Variants in TEAD1 observed in about 807,000 individuals in gnomAD.
TEAD1 encodes TEA domain transcription factor 1, also known as transcriptional enhancer factor TEF-1.
In TEAD1, 9 loss-of-function variants were observed where a neutral mutation model predicts 54.9. The ratio of observed to expected loss-of-function variants is 0.16; its 90% CI spans 0.10 to 0.29. The LOEUF (loss-of-function observed/expected upper bound fraction) is 0.29. Ranked by LOEUF, TEAD1 falls within the 10% of genes least tolerant of loss-of-function variation. The pLI is 1.00. For missense variants in TEAD1, 387 were observed against 535.9 expected, an observed-to-expected ratio of 0.72 and a Z score of 2.74; for synonymous variants, 200 against 187.8, an observed-to-expected ratio of 1.07 and a Z score of -0.53.
At chr11:12,874,991 C>G (rs751023412) in intron 5 of TEAD1, among the ~76,000 whole-genome samples, 5 of 152,132 alleles carry the variant, frequency 3.3e-5, no homozygotes, top group Non-Finnish European at 7.4e-5. Flanking sequence ...CTTATTCTTG[C>G]TCATATGCAC....
chr11:12,889,030 C>T (rs538904364), intron 9 of TEAD1, among the ~76,000 whole-genome samples: 1 of 152,094 alleles, frequency 6.6e-6, no homozygotes, highest in Non-Finnish European at 1.5e-5. Context: ...GGAGAACCAG[C>T]GAGTCAGTCC....
At chr11:12,803,934 G>A (rs1333449628) in intron 3 of TEAD1, among the ~76,000 whole-genome samples, 1 of 152,172 alleles carries the variant, frequency 6.6e-6, no homozygotes, top group Non-Finnish European at 1.5e-5. Context: ...GGAGTTAGGC[G>A]GTACGTATCA....
chr11:12,874,934 A>C (rs2134087321), intron 5 of TEAD1, among the ~76,000 whole-genome samples: 1 of 152,324 alleles, frequency 6.6e-6, no homozygotes, highest in South Asian at 2.1e-4. Context: ...ATCAGCAATA[A>C]GTAGTCAGTG....
intron 3 of TEAD1, among the ~76,000 whole-genome samples, chr11:12,825,931 T>C (rs1946643601): frequency 1.3e-5 from 2 of 152,200 alleles, no homozygotes; most frequent in Admixed American, 1.3e-4. Flanking sequence ...TTCAATAGTC[T>C]TTTCAATGAA....
chr11:12,808,251 A>T (rs889392682), intron 3 of TEAD1, among the ~76,000 whole-genome samples: 4 of 151,930 alleles, frequency 2.6e-5, no homozygotes, highest in Non-Finnish European at 4.4e-5. Context: ...TATAGGTCAT[A>T]GTAGGCTCAT....
chr11:12,922,555 A>G (rs1948829707), intron 10 of TEAD1: 1 of 152,218 alleles, frequency 6.6e-6, no homozygotes, highest in Admixed American at 6.5e-5. Context: ...ATTTAAATGT[A>G]GATACTTATT....
At position 12,800,211 on chromosome 11, in the gene TEAD1, A is replaced by G. The variant is rs570563648; in HGVS notation, c.202+35777A>G. Among the ~76,000 whole-genome samples the G allele has an allele frequency of 4.6e-5, 7 of 152,296 alleles. No homozygotes were observed. In the South Asian group the frequency reaches 8.3e-4, roughly 18 times the overall value. The stretch of plus-strand genomic sequence containing the variant: ...GGATGATGACTGCTTGCACCTCCAG[A>G]GCTAGTCTCCTCTAGGAAAAATCAA... On this transcript the variant is annotated intron_variant, in intron 3 of 12. Transcript: ENST00000527636.
At chr11:12,923,874 C>T (rs1948859078) in intron 10 of TEAD1, among the ~76,000 whole-genome samples, 1 of 152,166 alleles carries the variant, frequency 6.6e-6, no homozygotes, top group Non-Finnish European at 1.5e-5. Flanking sequence ...TTTAAGCTTC[C>T]AATGCATGAA....
intron 6 of TEAD1, among the ~76,000 whole-genome samples, chr11:12,880,494 T>C (rs1330772203): frequency 6.6e-6 from 1 of 152,176 alleles, no homozygotes; most frequent in African/African-American, 2.4e-5. Context: ...TTCCCTCCTC[T>C]ATGTCATGCC....
At chr11:12,899,228 G>T (rs181412276) in intron 9 of TEAD1, among the ~76,000 whole-genome samples, 2 of 152,308 alleles carry the variant, frequency 1.3e-5, no homozygotes, top group African/African-American at 4.8e-5. Context: ...GAACTGGGGC[G>T]GTCTGAGAGC....
At chr11:12,813,238 A>G (rs143053604) in intron 3 of TEAD1, among the ~76,000 whole-genome samples, 3,887 of 152,254 alleles carry the variant, frequency 0.026, 73 homozygotes, top group South Asian at 0.059. Flanking sequence ...ATATTTGGCA[A>G]TTGGAGGTGG....
At chr11:12,748,408 C>T (rs142079693) in intron 2 of TEAD1, among the ~76,000 whole-genome samples, 37 of 152,246 alleles carry the variant, frequency 2.4e-4, no homozygotes, top group African/African-American at 8.2e-4. Context: ...TCTTGGAGTG[C>T]GTGTGCAGCT....
chr11:12,779,258 C>T (rs1165264997), intron 3 of TEAD1, among the ~76,000 whole-genome samples: 1 of 152,194 alleles, frequency 6.6e-6, no homozygotes, highest in Non-Finnish European at 1.5e-5. Flanking sequence ...TAAGTAAACT[C>T]TCACTGTAGA....
chr11:12,743,823 C>T (rs1944693251), intron 2 of TEAD1, among the ~76,000 whole-genome samples: 1 of 152,176 alleles, frequency 6.6e-6, no homozygotes, highest in South Asian at 2.1e-4. Context: ...GTAGAAACTA[C>T]ACTGCAGGCC....
intron 9 of TEAD1, among the ~76,000 whole-genome samples, chr11:12,897,446 C>T (rs1376291835): frequency 1.1e-4 from 17 of 152,178 alleles, no homozygotes; most frequent in Non-Finnish European, 2.4e-4. Context: ...GATTCCTGAC[C>T]TACCCAGGTT....
intron 3 of TEAD1, among the ~76,000 whole-genome samples, chr11:12,809,609 C>A (rs1946250628): frequency 6.6e-6 from 1 of 151,820 alleles, no homozygotes; most frequent in Non-Finnish European, 1.5e-5. Context: ...ACGTGGGGCC[C>A]AGCCTTTCTT....
chr11:12,786,475 T>A (rs1156489856), intron 3 of TEAD1, among the ~76,000 whole-genome samples: 1 of 152,144 alleles, frequency 6.6e-6, no homozygotes, highest in Non-Finnish European at 1.5e-5. Context: ...CAAATAGAAG[T>A]ACGGGAGGCC....
chr11:12,850,846 G>C (rs912506341), intron 3 of TEAD1, among the ~76,000 whole-genome samples: 1 of 152,090 alleles, frequency 6.6e-6, no homozygotes, highest in Admixed American at 6.5e-5. Context: ...TTTTGGACCA[G>C]GTCTCTATGG....
chr11:12,876,432 G>T (rs1273660623), intron 5 of TEAD1, among the ~76,000 whole-genome samples: 1 of 152,116 alleles, frequency 6.6e-6, no homozygotes, highest in Non-Finnish European at 1.5e-5. Flanking sequence ...AACAGATTCT[G>T]TATTTGGGCA....
Sources: allele counts gnomAD v4.1 joint callset (sites outside exome capture counted in the v4.1 genomes callset), GRCh38; gene constraint gnomAD v4.1.1; transcripts MANE v1.5; gene names NCBI Gene and HGNC (gene_info 2026-07-23, HGNC 2026-07-21).